The following CSMD1 variants were observed in gnomAD, a reference collection of about 807,000 sequenced individuals.
CSMD1 encodes CUB and Sushi multiple domains 1.
A neutral mutation model predicts 417.5 loss-of-function variants in CSMD1; 213 were observed. That is an observed-to-expected ratio of 0.51 (90% CI 0.46 to 0.57). The LOEUF (loss-of-function observed/expected upper bound fraction) is 0.57. Among genes scored for constraint, CSMD1 ranks in the 20% least tolerant of loss-of-function variants. The pLI, the probability that CSMD1 is intolerant of heterozygous loss-of-function variation, is 0.00. For missense variants in CSMD1, 6,923 were observed against 4,529.7 expected (o/e 1.53, Z -15.17); for synonymous variants, 2,862 against 1,736.8 (o/e 1.65, Z -16.11).
intron 64 of CSMD1, among the ~76,000 whole-genome samples, chr8:2,954,904 A>T (rs1161602694): frequency 6.6e-6 from 1 of 152,192 alleles, no homozygotes. Flanking sequence ...CAGGAAACAA[A>T]ACCTAAAGTC....
At chr8:4,648,972 G>T (rs1803710638) in intron 1 of CSMD1, among the ~76,000 whole-genome samples, 1 of 152,136 alleles carries the variant, frequency 6.6e-6, no homozygotes, top group Admixed American at 6.5e-5. Context: ...AGTATCCTAG[G>T]GCCCTGGAGT....
intron 7 of CSMD1, among the ~76,000 whole-genome samples, chr8:3,651,178 T>C (rs1797835628): frequency 6.6e-6 from 1 of 152,182 alleles, no homozygotes; most frequent in African/African-American, 2.4e-5. Flanking sequence ...CTGGTCTCTG[T>C]TCCCTAGAAT....
intron 10 of CSMD1, among the ~76,000 whole-genome samples, chr8:3,542,945 ACCC>A (rs72202071): frequency 0.047 from 7,142 of 151,856 alleles, 486 homozygotes; most frequent in African/African-American, 0.15. Flanking sequence ...GACTTGGGGG[ACCC>A]GCTGGCAGTG....
intron 7 of CSMD1, among the ~76,000 whole-genome samples, chr8:3,646,994 G>C (rs755277394): frequency 2.6e-5 from 4 of 152,136 alleles, no homozygotes; most frequent in Non-Finnish European, 5.9e-5. Flanking sequence ...GGCCAGATAC[G>C]CATTTTTGAA....
At chr8:4,525,486 G>A (rs764085601) in intron 2 of CSMD1, among the ~76,000 whole-genome samples, 60 of 152,202 alleles carry the variant, frequency 3.9e-4, no homozygotes, top group Non-Finnish European at 6.0e-4. Flanking sequence ...TTGATTTGTC[G>A]TAAGAGCAAT....
intron 30 of CSMD1, among the ~76,000 whole-genome samples, chr8:3,208,841 C>G (rs540560120): frequency 6.6e-6 from 1 of 152,272 alleles, no homozygotes; most frequent in South Asian, 2.1e-4. Context: ...TGCCCCTGAA[C>G]GTCAAACTCC....
At chr8:2,966,032 T>C (rs749149850) in intron 58 of CSMD1, 78 bp from the exon 59 acceptor site, 2 of 1,292,214 alleles carry the variant, frequency 1.5e-6, no homozygotes, top group Admixed American at 4.0e-5. Flanking sequence ...CTATTCAAGA[T>C]ACTCTCTCTG....
At chr8:3,713,887 T>G (rs2623576) in intron 6 of CSMD1, among the ~76,000 whole-genome samples, 55,251 of 151,872 alleles carry the variant, frequency 0.36, 10,029 homozygotes, top group East Asian at 0.51. Context: ...TTAACTTGCA[T>G]GTTTACTGTA....
chr8:4,103,531 C>T (rs1186478466), intron 3 of CSMD1, among the ~76,000 whole-genome samples: 5 of 151,560 alleles, frequency 3.3e-5, no homozygotes, highest in South Asian at 2.1e-4. Flanking sequence ...AATATATATA[C>T]ACACATGTAA....
At chr8:3,227,576 C>A (rs763936136) in intron 27 of CSMD1, among the ~76,000 whole-genome samples, 18 of 151,966 alleles carry the variant, frequency 1.2e-4, no homozygotes, top group Non-Finnish European at 2.4e-4. Context: ...CTAGAAAGAT[C>A]AATATTGGTA....
chr8:3,892,300 C>G lies in CSMD1; in HGVS notation c.818+105603G>C, dbSNP rs541350344. 2.2e-3 allele frequency among the ~76,000 whole-genome samples: 341 copies of G among 152,240 alleles called. 3 individuals carry two copies. Among genetic ancestry groups the G allele is most frequent in the African/African-American group, 7.5e-3 (313 of 41,554 alleles). The stretch of plus-strand genomic sequence containing the variant: ...AAGAACAACTACACATCACTCAACG[C>G]TTAATTGCTGAAAAGGGAAACTGTC... On this transcript the variant is annotated intron_variant, in intron 5 of 69. Coordinates refer to ENST00000635120, the MANE Select transcript of CSMD1 (RefSeq NM_033225.6).
chr8:4,387,187 G>C (rs889217983), intron 3 of CSMD1, among the ~76,000 whole-genome samples: 1 of 152,192 alleles, frequency 6.6e-6, no homozygotes, highest in South Asian at 2.1e-4. Flanking sequence ...CTTGTGGCTA[G>C]GAGGTATCTG....
At chr8:3,073,230 A>G (rs1813431342) in intron 49 of CSMD1, among the ~76,000 whole-genome samples, 1 of 152,248 alleles carries the variant, frequency 6.6e-6, no homozygotes. Context: ...GACTTGGCAT[A>G]GGAAATCATG....
intron 2 of CSMD1, among the ~76,000 whole-genome samples, chr8:4,463,023 G>C (rs1217667): frequency 0.011 from 1,616 of 152,232 alleles, 24 homozygotes; most frequent in African/African-American, 0.037. Context: ...ATAGAATAGG[G>C]AAAGTTTGCA....
chr8:2,947,744 A>C (rs971204239), intron 68 of CSMD1, among the ~76,000 whole-genome samples: 1 of 152,176 alleles, frequency 6.6e-6, no homozygotes, highest in Non-Finnish European at 1.5e-5. Context: ...TTCGGCTTAG[A>C]GCAAGAGAAA....
chr8:4,303,168 G>C (rs35265645), intron 3 of CSMD1, among the ~76,000 whole-genome samples: 1 of 151,840 alleles, frequency 6.6e-6, no homozygotes. Context: ...ACATATAATA[G>C]GGCATGAATA....
chr8:3,879,813 G>C (rs560752979), intron 5 of CSMD1, among the ~76,000 whole-genome samples: 2 of 146,894 alleles, frequency 1.4e-5, no homozygotes, highest in African/African-American at 2.6e-5. Context: ...TTCGTGTATA[G>C]AGTGTGTACC....
At chr8:4,256,074 T>C (rs911987462) in intron 3 of CSMD1, among the ~76,000 whole-genome samples, 1 of 152,222 alleles carries the variant, frequency 6.6e-6, no homozygotes, top group African/African-American at 2.4e-5. Context: ...CTGTAAGTTG[T>C]AGGCAAACGT....
chr8:3,788,523 C>G (rs180981890), intron 5 of CSMD1, among the ~76,000 whole-genome samples: 9 of 152,278 alleles, frequency 5.9e-5, no homozygotes, highest in Non-Finnish European at 7.4e-5. Flanking sequence ...TCCTTCATCT[C>G]ACCTCAGATA....
Sources: gnomAD v4.1 joint callset for allele counts (sites outside exome capture counted in the v4.1 genomes callset) on GRCh38, gnomAD v4.1.1 for gene constraint, MANE v1.5 for transcripts, NCBI Gene and HGNC (gene_info 2026-07-23, HGNC 2026-07-21) for gene names.